RAPGEF4: variants seen among roughly 807,000 people sequenced by gnomAD.
RAPGEF4 encodes the protein Rap guanine nucleotide exchange factor 4.
A neutral mutation model predicts 147.9 loss-of-function variants in RAPGEF4; 66 were observed. The observed-to-expected ratio is 0.45, with a 90% CI of 0.37 to 0.55. The LOEUF (loss-of-function observed/expected upper bound fraction) is 0.55, where lower values mean the gene tolerates loss of function less well. Among genes scored for constraint, RAPGEF4 ranks in the 20% least tolerant of loss-of-function variants. The pLI is 0.00. For missense variants in RAPGEF4, 1,071 were observed against 1,257.3 expected (o/e 0.85, Z 2.24); for synonymous variants, 419 against 442.7 (o/e 0.95, Z 0.67).
At chr2:173,001,043 T>C (rs1275598915) in intron 16 of RAPGEF4, among the ~76,000 whole-genome samples, 1 of 152,182 alleles carries the variant, frequency 6.6e-6, no homozygotes, top group East Asian at 1.9e-4. Context: ...AGGCTGTCTC[T>C]CTTTAAAATA....
chr2:173,037,898 T>C (rs935947634), intron 29 of RAPGEF4, among the ~76,000 whole-genome samples: 1 of 152,190 alleles, frequency 6.6e-6, no homozygotes, highest in African/African-American at 2.4e-5. Context: ...AAAACTGTTA[T>C]TCTAGTTGTT....
At chr2:172,885,776 G>A (rs1477318851) in intron 4 of RAPGEF4, among the ~76,000 whole-genome samples, 1 of 152,168 alleles carries the variant, frequency 6.6e-6, no homozygotes, top group Non-Finnish European at 1.5e-5. Context: ...TGAGATTTAG[G>A]TGGGGACACA....
At chr2:172,854,388 T>G (rs1693184019) in intron 4 of RAPGEF4, among the ~76,000 whole-genome samples, 1 of 152,076 alleles carries the variant, frequency 6.6e-6, no homozygotes, top group Non-Finnish European at 1.5e-5. Context: ...GATATTAATA[T>G]AGTTACTGTG....
At chr2:173,001,870 G>C (rs1047703236) in intron 17 of RAPGEF4, among the ~76,000 whole-genome samples, 1 of 151,762 alleles carries the variant, frequency 6.6e-6, no homozygotes. Context: ...CCTCCCACCA[G>C]GCCCACCTCC....
In RAPGEF4 at chr2:172,847,002, C is replaced by T. The variant is rs145843420; in HGVS notation, c.444+32577C>T. ...GAATGGAGCTTAGTACAGTGCCTGG[C>T]GTGTAGAAGGTGCCCAGTGGTTGTT... is the stretch of plus-strand genomic sequence containing the variant. On this transcript the variant is annotated intron_variant, in intron 4 of 30. Transcript: ENST00000397081. 1.5e-3 allele frequency among the ~76,000 whole-genome samples: 225 copies of T among 152,226 alleles called. 1 individual carries two copies. Among genetic ancestry groups the T allele is most frequent in the African/African-American group, 4.8e-3 (198 of 41,532 alleles).
intron 3 of RAPGEF4, among the ~76,000 whole-genome samples, chr2:172,814,059 TG>T (rs769939673): frequency 6.6e-6 from 1 of 152,206 alleles, no homozygotes; most frequent in Non-Finnish European, 1.5e-5. Context: ...CTGAGTGTCT[TG>T]CCTGGAAAGG....
At chr2:172,987,940 A>G (rs1692442723) in intron 12 of RAPGEF4, among the ~76,000 whole-genome samples, 1 of 152,268 alleles carries the variant, frequency 6.6e-6, no homozygotes, top group East Asian at 1.9e-4. Context: ...TTTAAGAAAC[A>G]GATTGCTGAT....
At chr2:172,919,723 C>T (rs945247461) in intron 5 of RAPGEF4, among the ~76,000 whole-genome samples, 2 of 152,108 alleles carry the variant, frequency 1.3e-5, no homozygotes, top group African/African-American at 4.8e-5. Flanking sequence ...CCTGGTTGTC[C>T]TGCTGGCCTC....
intron 4 of RAPGEF4, chr2:172,917,451 C>T: frequency 1.8e-6 from 1 of 569,696 alleles, no homozygotes. Context: ...ATCTATAAAG[C>T]TCGAGTGCCT....
intron 21 of RAPGEF4, 71 bp from the exon 22 acceptor site, chr2:173,018,585 A>T: frequency 1.3e-6 from 2 of 1,508,094 alleles, no homozygotes; most frequent in Non-Finnish European, 1.8e-6. Context: ...ATGCCTAAAC[A>T]TTTTTCATAA....
At chr2:172,936,062 T>C (rs1188787596) in intron 6 of RAPGEF4, among the ~76,000 whole-genome samples, 1 of 152,208 alleles carries the variant, frequency 6.6e-6, no homozygotes, top group Non-Finnish European at 1.5e-5. Context: ...ATAATACTTA[T>C]GTTGAATATT....
At chr2:172,770,476 T>C (rs547611128) in intron 1 of RAPGEF4, among the ~76,000 whole-genome samples, 49 of 152,338 alleles carry the variant, frequency 3.2e-4, no homozygotes, top group African/African-American at 1.1e-3. Flanking sequence ...AGTGAGTACA[T>C]TGATGGGCCC....
chr2:172,911,954 A>T (rs1700138284), intron 4 of RAPGEF4, among the ~76,000 whole-genome samples: 1 of 151,400 alleles, frequency 6.6e-6, no homozygotes, highest in Admixed American at 6.6e-5. Context: ...TGTTGTAGAG[A>T]TGAGGTCTGG....
At chr2:172,941,490 AAAAT>A (rs1240420208) in intron 6 of RAPGEF4, among the ~76,000 whole-genome samples, 3 of 152,226 alleles carry the variant, frequency 2.0e-5, no homozygotes, top group Admixed American at 6.5e-5. Flanking sequence ...GTTATTGTGA[AAAAT>A]AAATAGCATA....
intron 30 of RAPGEF4, among the ~76,000 whole-genome samples, chr2:173,050,357 T>C (rs191374474): frequency 1.1e-4 from 16 of 151,970 alleles, no homozygotes; most frequent in African/African-American, 2.7e-4. Context: ...ATTATTTCTA[T>C]GTGATAATTA....
At chr2:172,999,259 C>T (rs1056598185) in intron 16 of RAPGEF4, among the ~76,000 whole-genome samples, 5 of 152,130 alleles carry the variant, frequency 3.3e-5, no homozygotes, top group Admixed American at 2.0e-4. Context: ...TTTTTTCCTA[C>T]AAGTAATGTT....
At chr2:172,969,386 A>G (rs1303862758) in intron 10 of RAPGEF4, among the ~76,000 whole-genome samples, 2 of 152,228 alleles carry the variant, frequency 1.3e-5, no homozygotes, top group Non-Finnish European at 2.9e-5. Flanking sequence ...ATTACATGCT[A>G]TGGAGGAAGA....
At chr2:172,982,940 C>T (rs891667123) in intron 10 of RAPGEF4, among the ~76,000 whole-genome samples, 1 of 152,160 alleles carries the variant, frequency 6.6e-6, no homozygotes, top group Non-Finnish European at 1.5e-5. Flanking sequence ...ATGCCCTTAT[C>T]TCCTCAGGGC....
chr2:172,831,266 C>CTTTTTTTT (rs71018521), intron 4 of RAPGEF4, among the ~76,000 whole-genome samples: 811 of 53,796 alleles, frequency 0.015, 181 homozygotes, highest in Non-Finnish European at 0.024. Context: ...AGATAGAAAA[C>CTTTTTTTT]TTTTTTTTTT....
Sources: allele counts gnomAD v4.1 joint callset (sites outside exome capture counted in the v4.1 genomes callset), GRCh38; gene constraint gnomAD v4.1.1; transcripts MANE v1.5; gene names NCBI Gene and HGNC (gene_info 2026-07-23, HGNC 2026-07-21).